Variants in ENTREP2 observed in about 807,000 individuals in gnomAD.
ENTREP2 encodes the protein protein ENTREP2.
the ENTREP2 span, among the ~76,000 whole-genome samples, chr15:29,631,132 T>C: frequency 1.3e-5 from 2 of 152,258 alleles, no homozygotes; most frequent in African/African-American, 4.8e-5. Context: ...TTACATCTTC[T>C]ATTTCTTTGC....
the ENTREP2 span, chr15:29,234,863 C>T: frequency 6.9e-7 from 1 of 1,442,432 alleles, no homozygotes; most frequent in South Asian, 1.1e-5. Context: ...TGCTTGGTGC[C>T]CCGAACGAAT....
the ENTREP2 span, among the ~76,000 whole-genome samples, chr15:29,524,114 G>A: frequency 6.6e-6 from 1 of 152,078 alleles, no homozygotes; most frequent in Non-Finnish European, 1.5e-5. Context: ...GAAAAAAATT[G>A]TAAATCATAT....
the ENTREP2 span, among the ~76,000 whole-genome samples, chr15:29,605,889 T>C: frequency 1.3e-5 from 2 of 152,082 alleles, no homozygotes; most frequent in Admixed American, 1.3e-4. Context: ...ATATATGGCT[T>C]AATGAATTAT....
chr15:29,546,735 A>G, the ENTREP2 span, among the ~76,000 whole-genome samples: 1 of 151,730 alleles, frequency 6.6e-6, no homozygotes, highest in Non-Finnish European at 1.5e-5. Flanking sequence ...AAATACAAAC[A>G]AATTAGCTGG....
At chr15:29,449,819 AT>A in the ENTREP2 span, among the ~76,000 whole-genome samples, 25 of 152,194 alleles carry the variant, frequency 1.6e-4, no homozygotes, top group African/African-American at 6.0e-4. Flanking sequence ...TTAAATACAC[AT>A]TCACATTATG....
At chr15:29,164,271 CAA>C in the ENTREP2 span, among the ~76,000 whole-genome samples, 1 of 152,006 alleles carries the variant, frequency 6.6e-6, no homozygotes, top group Admixed American at 6.5e-5. Flanking sequence ...AAGGCAAAAA[CAA>C]AAAACAAAAA....
the ENTREP2 span, chr15:29,136,283 T>G: frequency 7.2e-7 from 1 of 1,386,860 alleles, no homozygotes; most frequent in Non-Finnish European, 9.4e-7. Flanking sequence ...TGGCGCGGTG[T>G]GAGGTGCCTT....
the ENTREP2 span, among the ~76,000 whole-genome samples, chr15:29,300,155 G>A: frequency 1.7e-5 from 1 of 59,648 alleles, no homozygotes; most frequent in African/African-American, 1.2e-4. Context: ...ATGGATAATG[G>A]ATGGATGGAT....
the ENTREP2 span, among the ~76,000 whole-genome samples, chr15:29,173,226 G>A: frequency 1.3e-5 from 2 of 152,208 alleles, no homozygotes; most frequent in African/African-American, 2.4e-5. Context: ...GGAGGGTGCT[G>A]TAAGCTGGGC....
the ENTREP2 span, among the ~76,000 whole-genome samples, chr15:29,589,342 A>C: frequency 3.3e-5 from 5 of 152,184 alleles, no homozygotes; most frequent in African/African-American, 1.2e-4. Context: ...ACAATTTCAG[A>C]TTAAAACCTC....
chr15:29,650,249 C>T, the ENTREP2 span, among the ~76,000 whole-genome samples: 6 of 151,894 alleles, frequency 4.0e-5, no homozygotes, highest in African/African-American at 1.5e-4. Context: ...ATTAAAGGTA[C>T]TCATTTACTG....
the ENTREP2 span, among the ~76,000 whole-genome samples, chr15:29,289,485 T>A: frequency 6.6e-6 from 1 of 152,080 alleles, no homozygotes; most frequent in Admixed American, 6.6e-5. Context: ...TGGAAAATGA[T>A]CTGGCATTAT....
the ENTREP2 span, among the ~76,000 whole-genome samples, chr15:29,386,124 C>A: frequency 6.6e-6 from 1 of 152,298 alleles, no homozygotes; most frequent in East Asian, 1.9e-4. Context: ...ATCCTCCAAG[C>A]CCATGTGTGA....
the ENTREP2 span, among the ~76,000 whole-genome samples, chr15:29,239,874 C>T: frequency 1.3e-5 from 2 of 152,148 alleles, no homozygotes; most frequent in Non-Finnish European, 2.9e-5. Flanking sequence ...GGTTTAGATT[C>T]TTTAAAATTA....
At chr15:29,464,994 G>T in the ENTREP2 span, among the ~76,000 whole-genome samples, 9 of 152,064 alleles carry the variant, frequency 5.9e-5, no homozygotes, top group Non-Finnish European at 7.4e-5. Flanking sequence ...TTCATTAACT[G>T]CCATGAGCTG....
chr15:29,535,100 A>C, the ENTREP2 span, among the ~76,000 whole-genome samples: 2 of 151,782 alleles, frequency 1.3e-5, no homozygotes, highest in Non-Finnish European at 2.9e-5. Flanking sequence ...GAACTTAAAA[A>C]CTAGCCGGGC....
At chr15:29,326,294 T>G in the ENTREP2 span, among the ~76,000 whole-genome samples, 1 of 152,192 alleles carries the variant, frequency 6.6e-6, no homozygotes, top group Non-Finnish European at 1.5e-5. Context: ...ACTGTCTTTG[T>G]TCATAAATGA....
chr15:29,639,870 G>A, the ENTREP2 span, among the ~76,000 whole-genome samples: 1 of 136,226 alleles, frequency 7.3e-6, no homozygotes, highest in Non-Finnish European at 1.7e-5. Context: ...CCAGGTTCAA[G>A]CGATTCTCCT....
chr15:29,253,088 A>G, the ENTREP2 span, among the ~76,000 whole-genome samples: 1 of 152,218 alleles, frequency 6.6e-6, no homozygotes, highest in Admixed American at 6.5e-5. Flanking sequence ...CAAAATAGTC[A>G]TCATATCTAT....
Sources: gnomAD v4.1 joint callset for allele counts (sites outside exome capture counted in the v4.1 genomes callset) on GRCh38, gnomAD v4.1.1 for gene constraint, MANE v1.5 for transcripts, NCBI Gene and HGNC (gene_info 2026-07-23, HGNC 2026-07-21) for gene names.